GUCY2C: variants seen among roughly 807,000 people sequenced by gnomAD.
GUCY2C encodes the protein guanylyl cyclase C.
A neutral mutation model predicts 131.1 loss-of-function variants in GUCY2C; 118 were observed. That is an observed-to-expected ratio of 0.90 (90% CI 0.78 to 1.05). The LOEUF (loss-of-function observed/expected upper bound fraction) is 1.05. Among genes scored for constraint, GUCY2C ranks in the 50% least tolerant of loss-of-function variants. The pLI, the probability that GUCY2C is intolerant of heterozygous loss-of-function variation, is 0.00. For missense variants in GUCY2C, 1,161 were observed against 1,304.4 expected (o/e 0.89, Z 1.69); for synonymous variants, 452 against 457.8 (o/e 0.99, Z 0.16).
At chr12:14,675,164 T>C (rs1251711000) in intron 7 of GUCY2C, among the ~76,000 whole-genome samples, 2 of 138,252 alleles carry the variant, frequency 1.4e-5, no homozygotes, top group Non-Finnish European at 3.0e-5. Context: ...TGAGCCAAGA[T>C]TCCACTGCAC....
chr12:14,630,709 A>G (rs934166672), intron 19 of GUCY2C, among the ~76,000 whole-genome samples: 6 of 152,070 alleles, frequency 3.9e-5, no homozygotes, highest in Non-Finnish European at 7.4e-5. Flanking sequence ...CCAATTCCCT[A>G]TGGATGGAGA....
Position 14,669,685 on chromosome 12 carries a change from A to T in GUCY2C, c.1282+37T>A, listed in dbSNP as rs370214350. On this transcript the variant is annotated intron_variant, in intron 10 of 26. Transcript: ENST00000261170. The stretch of plus-strand genomic sequence containing the variant: ...ACTTTACTTTTCTTACCAGGAAAAC[A>T]GTGTCAGGGAGAGAAAATTCATTAG... The T allele has an allele frequency of 3.0e-6, 3 of 994,434 alleles. No homozygotes were observed. In the African/African-American group the frequency reaches 4.9e-5, roughly 16 times the overall value. The allele number at this position is 994,434 out of a possible 1,614,324, so 61.6% of individuals were successfully genotyped here.
At chr12:14,661,167 T>A (rs867814568) in intron 10 of GUCY2C, 105 bp from the exon 11 acceptor site, 2 of 693,262 alleles carry the variant, frequency 2.9e-6, no homozygotes, top group Middle Eastern at 4.9e-4. Context: ...GAGAACCCTT[T>A]AAAAAAATTT....
At chr12:14,651,864 C>G (rs1342864915) in intron 14 of GUCY2C, 95 bp downstream of exon 14, 1 of 690,712 alleles carries the variant, frequency 1.4e-6, no homozygotes, top group African/African-American at 1.8e-5. Flanking sequence ...GGCCTGAGGG[C>G]TTTTCTGTCA....
intron 20 of GUCY2C, among the ~76,000 whole-genome samples, chr12:14,627,369 G>A (rs1023992910): frequency 2.0e-5 from 3 of 152,092 alleles, no homozygotes; most frequent in Non-Finnish European, 2.9e-5. Flanking sequence ...AAACAGAATT[G>A]TTTAACAAGT....
rs11833202 is a variant in GUCY2C at position 14,673,031 on chromosome 12, G to C, written c.1085-73C>G. 1.5e-3 allele frequency: 1,314 copies of C among 866,048 alleles called. 14 individuals are homozygous for C. The African/African-American group carries it at 0.02, about 13-fold the overall frequency. 53.6% of individuals were successfully genotyped at this position (866,048 alleles called of 1,614,324 possible). A position where few individuals can be genotyped will look rare whatever the true frequency, so the allele number is the denominator to read the frequency against. On this transcript the variant is annotated intron_variant, in intron 8 of 26. Coordinates refer to ENST00000261170, the MANE Select transcript of GUCY2C (RefSeq NM_004963.4). Reference sequence around the variant, plus strand: ...GACAGATAAGTTGGATCATGACAGAGAGTGTAAAATGGGTTCAAATAGCTC... The same window carrying C: ...GACAGATAAGTTGGATCATGACAGACAGTGTAAAATGGGTTCAAATAGCTC...
In GUCY2C at chr12:14,616,698, T is replaced by C. The variant is rs1266681608; in HGVS notation, c.2905A>G (p.Ile969Val). ...PLRIHVSGST[I>V]AILKRTECQF... ...CACTCAGTTCTCTTCAGGATGGCTA[T>C]GGTGGAGCCACTCACGTGAATTCTC... The change falls in exon 25 of 27, where the codon ATA becomes GTA. Residue 969 changes from isoleucine (I) to valine (V), a missense_variant. Physicochemically the swap from Ile to Val is conservative, Grantham distance 29. Coordinates refer to ENST00000261170, the MANE Select transcript of GUCY2C (RefSeq NM_004963.4). The C allele has an allele frequency of 1.9e-6, 3 of 1,606,680 alleles. No individual in the cohort carries two copies. The highest frequency in any genetic ancestry group is 2.6e-6 in the Non-Finnish European group (3 of 1,173,354).
At chr12:14,616,564 A>G (rs1457664006) in intron 25 of GUCY2C, 69 bp downstream of exon 25, 18 of 850,858 alleles carry the variant, frequency 2.1e-5, no homozygotes, top group Non-Finnish European at 3.1e-5. Flanking sequence ...TTCCTGGCCA[A>G]GTCTCAAAGG....
In GUCY2C at chr12:14,643,721, A is replaced by G. The variant is rs1947456263; in HGVS notation, c.1798-15T>C. 1.2e-6 allele frequency: 2 copies of G among 1,606,860 alleles called. No homozygotes were observed. Among genetic ancestry groups the G allele is most frequent in the Admixed American group, 1.7e-5 (1 of 58,510 alleles). On this transcript the variant is annotated splice_polypyrimidine_tract_variant and intron_variant, in intron 16 of 26. Transcript: ENST00000261170. The stretch of plus-strand genomic sequence containing the variant: ...TATGACATTCCCTGTAATTTTTTAG[A>G]TGATAGAAAAACAGAAATGTGACAC...
chr12:14,643,181 T>C (rs1222359824), intron 17 of GUCY2C, among the ~76,000 whole-genome samples: 1 of 152,220 alleles, frequency 6.6e-6, no homozygotes, highest in Non-Finnish European at 1.5e-5. Flanking sequence ...ATGGGTCTTC[T>C]GGTTTGTACT....
At position 14,669,731 on chromosome 12, in the gene GUCY2C, T is replaced by C; in HGVS notation, c.1273A>G (p.Thr425Ala). ...WKNSKLPNDI[T>A]GRGPQILMIA... is the part of the protein sequence containing the mutation. ...ATTAGGGATATCTTACCCCGGCCTGTAATATCATTAGGAAGTTTAGAGTTC... is the reference window on the plus strand; with the variant it reads ...ATTAGGGATATCTTACCCCGGCCTGCAATATCATTAGGAAGTTTAGAGTTC... Residue 425 changes from threonine to alanine, a missense_variant, in exon 10 of 27, where the codon ACA (threonine) becomes GCA (alanine). Physicochemically the swap from Thr to Ala is moderately conservative, Grantham distance 58 (BLOSUM62 0). Coordinates refer to ENST00000261170, the MANE Select transcript of GUCY2C (RefSeq NM_004963.4). 6.5e-7 allele frequency: 1 copy of C among 1,538,892 alleles called. No homozygotes were observed. The highest frequency in any genetic ancestry group is 9.0e-7 in the Non-Finnish European group (1 of 1,115,936).
At chr12:14,618,684 C>T (rs1946825001) in intron 24 of GUCY2C, among the ~76,000 whole-genome samples, 2 of 151,918 alleles carry the variant, frequency 1.3e-5, no homozygotes, top group African/African-American at 2.4e-5. Flanking sequence ...TCCTGTAGTC[C>T]CAGGTACTTG....
At chr12:14,633,044 G>C (rs921195170) in intron 19 of GUCY2C, among the ~76,000 whole-genome samples, 12 of 152,084 alleles carry the variant, frequency 7.9e-5, no homozygotes, top group Admixed American at 7.2e-4. Flanking sequence ...CCAGGAACCC[G>C]GGAATCCACC....
At position 14,621,217 on chromosome 12, in the gene GUCY2C, C is replaced by A; in HGVS notation, c.2602-1G>T. On this transcript the variant is annotated splice_acceptor_variant, in intron 22 of 26. Coordinates refer to ENST00000261170, the MANE Select transcript of GUCY2C (RefSeq NM_004963.4). LOFTEE classifies it high-confidence loss of function. ...TGTACGCATCACCGATGGTTTCCAC[C>A]TGTGGAAACAGTTTCTCATGAGTGC... The A allele has an allele frequency of 1.2e-6, 2 of 1,608,224 alleles. No individual in the cohort carries two copies. Among genetic ancestry groups the A allele is most frequent in the Non-Finnish European group, 1.7e-6 (2 of 1,175,848 alleles).
chr12:14,615,078 T>C (rs1946730351), intron 25 of GUCY2C, 135 bp from the exon 26 acceptor site: 1 of 532,854 alleles, frequency 1.9e-6, no homozygotes, highest in Non-Finnish European at 3.3e-6. Flanking sequence ...TTTAAGCACA[T>C]CACACATTCC....
chr12:14,621,013 C>T (rs763479934), intron 23 of GUCY2C, 29 bp downstream of exon 23: 2 of 1,594,902 alleles, frequency 1.3e-6, no homozygotes, highest in African/African-American at 1.3e-5. Flanking sequence ...CATATGGTTC[C>T]CAATTTGCTA....
intron 18 of GUCY2C, among the ~76,000 whole-genome samples, chr12:14,640,462 CAAA>C (rs3083859): frequency 3.4e-3 from 385 of 114,528 alleles, no homozygotes; most frequent in Non-Finnish European, 3.6e-3. Context: ...GACACTGTCT[CAAA>C]AAAAAAAAAA....
rs188340287 is a variant in GUCY2C, at chr12:14,674,769, A to T, written c.949-9T>A. ...GCAAAGTCTCGTTTTGTCTAAATAA[A>T]AAAGGAAAATATTAAAACGGGTCCT... On this transcript the variant is annotated splice_polypyrimidine_tract_variant and intron_variant, in intron 7 of 26. Transcript: ENST00000261170. 7.5e-6 allele frequency: 12 copies of T among 1,593,908 alleles called. No homozygotes were observed. The highest frequency in any genetic ancestry group is 1.0e-5 in the Non-Finnish European group (12 of 1,170,748).
Position 14,653,018 on chromosome 12 carries a change from G to T in GUCY2C, c.1471-4C>A. The T allele has an allele frequency of 5.0e-6, 8 of 1,605,340 alleles. No homozygotes were observed. The highest frequency in any genetic ancestry group is 6.8e-6 in the Non-Finnish European group (8 of 1,172,074). On this transcript the variant is annotated splice_region_variant and splice_polypyrimidine_tract_variant and intron_variant, in intron 12 of 26. Transcript: ENST00000261170. ...CTCGTCTTTTGTCATCATCGATCTG[G>T]CACAAGAAAAGGCTAATTATTCCAG...
Sources: gnomAD v4.1 joint callset for allele counts (sites outside exome capture counted in the v4.1 genomes callset) on GRCh38, gnomAD v4.1.1 for gene constraint, MANE v1.5 for transcripts, NCBI Gene and HGNC (gene_info 2026-07-23, HGNC 2026-07-21) for gene names.